Variants in ABCA13 observed in about 807,000 individuals in gnomAD.
ABCA13 encodes the protein ATP binding cassette subfamily A member 13.
In ABCA13, 476 loss-of-function variants were observed where a neutral mutation model predicts 478.7. That is an observed-to-expected ratio of 0.99 (90% CI 0.92 to 1.07). The LOEUF is 1.07. Among genes scored for constraint, ABCA13 ranks in the 50% least tolerant of loss-of-function variants. ABCA13 has a pLI of 0.00. For synonymous variants in ABCA13, 2,252 were observed against 2,158.9 expected, an observed-to-expected ratio of 1.04 and a Z score of -1.20; for missense variants, 6,060 against 5,910.6, an observed-to-expected ratio of 1.03 and a Z score of -0.83.
chr7:48,644,586 A>G, intron 60 of ABCA13, 31 bp from the exon 61 acceptor site: 1 of 1,415,300 alleles, frequency 7.1e-7, no homozygotes. Flanking sequence ...TAGTTATATG[A>G]TACTTTTTTT....
chr7:48,481,581 A>T lies in ABCA13; in HGVS notation c.13094+427A>T, dbSNP rs561090381. 1.1e-3 allele frequency among the ~76,000 whole-genome samples: 83 copies of T among 74,206 alleles called. 4 individuals are homozygous for T. The highest frequency in any genetic ancestry group is 4.1e-3 in the African/African-American group (80 of 19,332). The allele number at this position is 74,206 out of a possible 152,430, so 48.7% of individuals were successfully genotyped here. A position where few individuals can be genotyped will look rare whatever the true frequency, so the allele number is the denominator to read the frequency against. On this transcript the variant is annotated intron_variant, in intron 46 of 61. Transcript: ENST00000435803. ...AAATAAGAGCAGATAAGTTTACAGC[A>T]TGCAAGCTCCACCTCCCAGGTTCAA...
chr7:48,606,093 A>G (rs1357045410), intron 58 of ABCA13, among the ~76,000 whole-genome samples: 3 of 152,102 alleles, frequency 2.0e-5, no homozygotes, highest in African/African-American at 7.2e-5. Flanking sequence ...TACACTGATT[A>G]TTTTAGTTAG....
chr7:48,264,897 T>C (rs1448519400), intron 15 of ABCA13, among the ~76,000 whole-genome samples: 1 of 151,762 alleles, frequency 6.6e-6, no homozygotes, highest in African/African-American at 2.4e-5. Flanking sequence ...ATTTTTTCTA[T>C]GAGTTTAATA....
In ABCA13 at chr7:48,244,633, A is replaced by G. The variant is rs772776075; in HGVS notation, c.1320A>G (p.Ala440=). 3 of 1,613,206 alleles carry G rather than the reference A, an allele frequency of 1.9e-6. No homozygotes were observed. The highest frequency in any genetic ancestry group is 2.5e-6 in the Non-Finnish European group (3 of 1,179,500). ...SLLQNLPQWP[A]LKRFLQLDGA... is the part of the protein sequence containing the mutation. ...TGCAAAACCTGCCCCAGTGGCCGGC[A>G]CTGAAGAGATTTCTTCAGCTTGATG... is the stretch of plus-strand genomic sequence containing the variant. Residue 440 remains alanine, a synonymous_variant, in exon 11 of 62, where the codon GCA becomes GCG. Coordinates refer to ENST00000435803, the MANE Select transcript of ABCA13 (RefSeq NM_152701.5).
intron 34 of ABCA13, among the ~76,000 whole-genome samples, chr7:48,375,916 C>T (rs1813407267): frequency 6.6e-6 from 1 of 152,136 alleles, no homozygotes; most frequent in South Asian, 2.1e-4. Flanking sequence ...TGAACTGTAG[C>T]CTGGTACCAT....
intron 57 of ABCA13, among the ~76,000 whole-genome samples, chr7:48,592,493 A>T (rs1360154740): frequency 2.6e-5 from 4 of 151,888 alleles, no homozygotes; most frequent in African/African-American, 9.7e-5. Context: ...TTGTGGCCTA[A>T]TATATGGTCT....
At chr7:48,433,562 G>T (rs1258884968) in intron 42 of ABCA13, among the ~76,000 whole-genome samples, 1 of 151,260 alleles carries the variant, frequency 6.6e-6, no homozygotes, top group Non-Finnish European at 1.5e-5. Flanking sequence ...CCATATTTAA[G>T]TATACAGCTC....
intron 27 of ABCA13, among the ~76,000 whole-genome samples, chr7:48,330,678 C>T (rs1383911601): frequency 1.3e-5 from 2 of 150,850 alleles, no homozygotes; most frequent in African/African-American, 2.4e-5. Context: ...ACCATCGATT[C>T]ATCTATCTAT....
chr7:48,471,599 G>C lies in ABCA13; in HGVS notation c.12975G>C (p.Leu4325=), dbSNP rs1827503256. 6.4e-7 allele frequency: 1 copy of C among 1,560,422 alleles called. No homozygotes were observed. Among genetic ancestry groups the C allele is most frequent in the African/African-American group, 1.4e-5 (1 of 73,870 alleles). The change falls in exon 45 of 62, where the codon CTG becomes CTC. Residue 4325 remains leucine (L), a splice_region_variant and synonymous_variant. Transcript: ENST00000435803. ...HPEFQDSCGC[L]KCPNRSASAP... ...AATTCCAGGATTCATGTGGCTGCCT[G>C]GTAGGTTTCTGCAGCATTTTTGATC...
At chr7:48,484,860 C>T (rs61451174) in intron 47 of ABCA13, among the ~76,000 whole-genome samples, 10,096 of 152,260 alleles carry the variant, frequency 0.066, 415 homozygotes, top group African/African-American at 0.11. Flanking sequence ...ATTTGAAATA[C>T]CAGAACTGCT....
rs936568984 is a variant in ABCA13, at chr7:48,469,686, C to T, written c.12906-1844C>T. On this transcript the variant is annotated intron_variant, in intron 44 of 61. Transcript: ENST00000435803. ...ATGCACCTTAGCACTTTGGGGAGGCCGAGGTGGGCGGATCACGAGGTCAGG... is the reference window on the plus strand; with the variant it reads ...ATGCACCTTAGCACTTTGGGGAGGCTGAGGTGGGCGGATCACGAGGTCAGG... Among the ~76,000 whole-genome samples, 6 of 152,092 alleles carry T rather than the reference C, an allele frequency of 3.9e-5. No individual in the cohort carries two copies. The East Asian group carries it at 9.7e-4, about 25-fold the overall frequency.
intron 19 of ABCA13, among the ~76,000 whole-genome samples, chr7:48,286,175 A>G (rs1228706576): frequency 6.6e-6 from 1 of 152,160 alleles, no homozygotes; most frequent in Admixed American, 6.5e-5. Context: ...ACCCACACTG[A>G]CACAGCATCA....
At chr7:48,202,708 T>A (rs1308523341) in intron 3 of ABCA13, among the ~76,000 whole-genome samples, 1 of 151,948 alleles carries the variant, frequency 6.6e-6, no homozygotes, top group African/African-American at 2.4e-5. Flanking sequence ...TCACAAACCC[T>A]GAGCTAGACA....
Position 48,580,409 on chromosome 7 carries a change from C to T in ABCA13, c.14505+35C>T, listed in dbSNP as rs748267633. 16 of 1,593,412 alleles carry T rather than the reference C, an allele frequency of 1.0e-5. No individual in the cohort carries two copies. In the Admixed American group the frequency reaches 1.9e-4, roughly 19 times the overall value. ...CCTGGGGTCTTCTAGATAAAGGGAC[C>T]CATTGAGGAATGCTTGGTGACCACC... On this transcript the variant is annotated intron_variant, in intron 56 of 61. Transcript: ENST00000435803.
chr7:48,529,444 G>A (rs1455950241), intron 55 of ABCA13, among the ~76,000 whole-genome samples: 1 of 152,070 alleles, frequency 6.6e-6, no homozygotes, highest in Non-Finnish European at 1.5e-5. Context: ...GCAAACTCAT[G>A]GTAACTTGAT....
intron 53 of ABCA13, among the ~76,000 whole-genome samples, chr7:48,520,727 G>C (rs554863499): frequency 1.3e-5 from 2 of 152,036 alleles, no homozygotes; most frequent in Admixed American, 1.3e-4. Flanking sequence ...AACAGGCCCC[G>C]GTGTGTGATG....
intron 48 of ABCA13, among the ~76,000 whole-genome samples, chr7:48,492,512 T>C (rs1829926772): frequency 6.6e-6 from 1 of 152,202 alleles, no homozygotes; most frequent in Admixed American, 6.5e-5. Flanking sequence ...TGCTGTATTT[T>C]AAATGTGTCT....
intron 15 of ABCA13, among the ~76,000 whole-genome samples, chr7:48,265,548 G>T (rs553995792): frequency 1.5e-4 from 23 of 151,162 alleles, no homozygotes; most frequent in Admixed American, 6.6e-4. Context: ...TTTGTAAATT[G>T]ATTCTTAAAA....
At chr7:48,296,243 C>G (rs1412321772) in intron 21 of ABCA13, among the ~76,000 whole-genome samples, 2 of 151,850 alleles carry the variant, frequency 1.3e-5, no homozygotes, top group Non-Finnish European at 2.9e-5. Flanking sequence ...AAAGCAACAA[C>G]AAAAAAATTA....
Sources: gnomAD v4.1 joint callset for allele counts (sites outside exome capture counted in the v4.1 genomes callset) on GRCh38, gnomAD v4.1.1 for gene constraint, MANE v1.5 for transcripts, NCBI Gene and HGNC (gene_info 2026-07-23, HGNC 2026-07-21) for gene names.